The following PRKAA1 variants were observed in gnomAD, a reference collection of about 807,000 sequenced individuals.
PRKAA1 encodes the protein protein kinase AMP-activated catalytic subunit alpha 1.
A neutral mutation model predicts 56.9 loss-of-function variants in PRKAA1; 23 were observed. The observed-to-expected ratio is 0.40, with a 90% CI of 0.29 to 0.57. The LOEUF is 0.57. PRKAA1 is among the 20% of genes least tolerant of loss of function. The pLI is 0.39. For missense variants in PRKAA1, 413 were observed against 679.7 expected, an observed-to-expected ratio of 0.61 and a Z score of 4.36; for synonymous variants, 226 against 227.0, an observed-to-expected ratio of 1.00 and a Z score of 0.04.
intron 1 of PRKAA1, 127 bp downstream of exon 1, chr5:40,797,935 TC>T (rs1745012915): frequency 1.5e-6 from 2 of 1,374,720 alleles, no homozygotes; most frequent in Non-Finnish European, 1.9e-6. Context: ...TCCCGCAGGA[TC>T]CGGGACAGGG....
chr5:40,775,541 C>CT (rs774987524), intron 2 of PRKAA1, 38 bp from the exon 3 acceptor site: 1 of 1,391,138 alleles, frequency 7.2e-7, no homozygotes, highest in South Asian at 1.2e-5. Context: ...TATTAAAACA[C>CT]ATATATTCAT....
chr5:40,797,164 C>G (rs1472905177), intron 1 of PRKAA1, among the ~76,000 whole-genome samples: 3 of 152,162 alleles, frequency 2.0e-5, no homozygotes, highest in African/African-American at 7.2e-5. Flanking sequence ...GTGGTGAAGT[C>G]TGGGCTTTTA....
intron 6 of PRKAA1, among the ~76,000 whole-genome samples, chr5:40,765,765 A>C (rs568778608): frequency 6.6e-6 from 1 of 152,164 alleles, no homozygotes; most frequent in Non-Finnish European, 1.5e-5. Flanking sequence ...AAAAAAATCA[A>C]GGAACATGCT....
intron 1 of PRKAA1, among the ~76,000 whole-genome samples, chr5:40,796,938 C>A (rs1744951627): frequency 6.6e-6 from 1 of 152,064 alleles, no homozygotes; most frequent in African/African-American, 2.4e-5. Context: ...TTCCAAACTT[C>A]CTTTCTCTGC....
rs140010284 is a variant in PRKAA1, at chr5:40,770,460, C to T, written c.509-957G>A. Among the ~76,000 whole-genome samples the T allele has an allele frequency of 9.6e-3, 1,444 of 150,120 alleles. 26 individuals are homozygous for T. The highest frequency in any genetic ancestry group is 0.033 in the African/African-American group (1,356 of 40,820). ...TGGGTGACAGAGTGAAACTCTGTCT[C>T]AAAACAAAAAACAAACAAAAAAAAG... On this transcript the variant is annotated intron_variant, in intron 4 of 8. Transcript: ENST00000397128.
rs924613547 is a variant in PRKAA1, at chr5:40,761,658, T to C, written c.*1120A>G. The C allele has an allele frequency of 2.0e-5, 3 of 152,322 alleles. No homozygotes were observed. The highest frequency in any genetic ancestry group is 2.9e-5 in the Non-Finnish European group (2 of 68,026). 9.4% of individuals were successfully genotyped at this position (152,322 alleles called of 1,614,324 possible). A position where few individuals can be genotyped will look rare whatever the true frequency, so the allele number is the denominator to read the frequency against. On this transcript the variant is annotated 3_prime_UTR_variant, in exon 9 of 9. Transcript: ENST00000397128. ...TTAAAGTTTGTAAGAGATAGTTTTC[T>C]ATGCACTGAATCAATTTAAAAGATA...
chr5:40,763,079 G>T, intron 8 of PRKAA1, 57 bp from the exon 9 acceptor site: 1 of 1,578,630 alleles, frequency 6.3e-7, no homozygotes, highest in Non-Finnish European at 8.7e-7. Context: ...AAAAATTTTT[G>T]TAACAGTATT....
intron 3 of PRKAA1, among the ~76,000 whole-genome samples, chr5:40,773,758 G>A (rs954372908): frequency 6.6e-6 from 1 of 152,202 alleles, no homozygotes; most frequent in East Asian, 1.9e-4. Context: ...AGTGAGAGAT[G>A]AGCTGAAAAC....
chr5:40,779,908 AT>A (rs1744191999), intron 1 of PRKAA1, among the ~76,000 whole-genome samples: 1 of 141,974 alleles, frequency 7.0e-6, no homozygotes, highest in Non-Finnish European at 1.6e-5. Context: ...AAAAAAGTGC[AT>A]AAAATGAATT....
chr5:40,777,589 G>A lies in PRKAA1; in HGVS notation c.128-3C>T. The A allele has an allele frequency of 1.3e-6, 2 of 1,595,534 alleles. No homozygotes were observed. Among genetic ancestry groups the A allele is most frequent in the Non-Finnish European group, 1.7e-6 (2 of 1,167,692 alleles). On this transcript the variant is annotated splice_polypyrimidine_tract_variant and splice_region_variant and intron_variant, in intron 1 of 8. Transcript: ENST00000397128. ...CCCAGTCAATTCATGTTTGCCAACT[G>A]TAAAAGAAGTAATTTAATAAATTAG... is the stretch of plus-strand genomic sequence containing the variant.
rs1235170260 is a variant in PRKAA1, at chr5:40,764,540, T to G, written c.1409A>C (p.Tyr470Ser). Residue 470 changes from tyrosine (Y) to serine (S), a missense_variant, in exon 8 of 9, where the codon TAT (tyrosine) becomes TCT (serine). Transcript: ENST00000397128. ...ATCAATACTACGGAAATCCAGTAGA[T>G]AAGTTCTACTATCCACTTGGTATAA... Reference protein sequence around the residue: ...LQLYQVDSRTYLLDFRSIDDE... With the variant: ...LQLYQVDSRTSLLDFRSIDDE... 6.2e-6 allele frequency: 10 copies of G among 1,611,972 alleles called. No individual in the cohort carries two copies. The highest frequency in any genetic ancestry group is 8.5e-6 in the Non-Finnish European group (10 of 1,178,886).
rs190710079 is a variant in PRKAA1 at position 40,776,402 on chromosome 5, G to A, written c.270-899C>T. 4.6e-5 allele frequency among the ~76,000 whole-genome samples: 7 copies of A among 152,332 alleles called. No homozygotes were observed. The East Asian group carries it at 1.3e-3, about 29-fold the overall frequency. On this transcript the variant is annotated intron_variant, in intron 2 of 8. Transcript: ENST00000397128. ...GGCCGGGTTGAGTTTTAAATGTCTT[G>A]CGAACATCCAAATGGAAATGTAAAG...
chr5:40,771,914 G>T, intron 3 of PRKAA1, 51 bp from the exon 4 acceptor site: 2 of 1,572,442 alleles, frequency 1.3e-6, no homozygotes, highest in Non-Finnish European at 1.7e-6. Context: ...AAAGTAAATT[G>T]TCCTATCTAT....
chr5:40,797,858 T>G (rs1420434554), intron 1 of PRKAA1, among the ~76,000 whole-genome samples: 1 of 150,346 alleles, frequency 6.7e-6, no homozygotes, highest in Non-Finnish European at 1.5e-5. Flanking sequence ...GACTGGCCCC[T>G]ACCCCACCCC....
At chr5:40,763,599 A>G (rs529758578) in intron 8 of PRKAA1, among the ~76,000 whole-genome samples, 1 of 152,358 alleles carries the variant, frequency 6.6e-6, no homozygotes, top group South Asian at 2.1e-4. Flanking sequence ...AAAATCGAAG[A>G]AAAACTAAGG....
chr5:40,796,147 T>C (rs1365087116), intron 1 of PRKAA1, among the ~76,000 whole-genome samples: 2 of 151,936 alleles, frequency 1.3e-5, no homozygotes, highest in East Asian at 1.9e-4. Context: ...TGAAACCCCA[T>C]CTCTACTAAA....
At chr5:40,777,380 A>G in intron 2 of PRKAA1, 65 bp downstream of exon 2, 11 of 1,494,386 alleles carry the variant, frequency 7.4e-6, no homozygotes, top group Non-Finnish European at 1.0e-5. Flanking sequence ...CACTTGTCAC[A>G]TTAAGTAGGT....
At chr5:40,793,164 CA>C (rs1744786393) in intron 1 of PRKAA1, among the ~76,000 whole-genome samples, 1 of 151,960 alleles carries the variant, frequency 6.6e-6, no homozygotes, top group Non-Finnish European at 1.5e-5. Flanking sequence ...CCCAGCCTAC[CA>C]AAGAGACCAT....
intron 6 of PRKAA1, among the ~76,000 whole-genome samples, chr5:40,766,968 T>C (rs1350888136): frequency 1.3e-5 from 2 of 152,204 alleles, no homozygotes; most frequent in African/African-American, 4.8e-5. Flanking sequence ...CAGTGAGCTA[T>C]GATCACACCA....
Sources: gnomAD v4.1 joint callset for allele counts (sites outside exome capture counted in the v4.1 genomes callset) on GRCh38, gnomAD v4.1.1 for gene constraint, MANE v1.5 for transcripts, NCBI Gene and HGNC (gene_info 2026-07-23, HGNC 2026-07-21) for gene names.